The following RIN3 variants were observed in gnomAD, a reference collection of about 807,000 sequenced individuals.
The protein encoded by RIN3 is Ras and Rab interactor 3.
RIN3 carries 54 observed loss-of-function variants against 76.3 expected under a neutral mutation model. The observed-to-expected ratio is 0.71, with a 90% confidence interval of 0.57 to 0.89. The LOEUF (loss-of-function observed/expected upper bound fraction) is 0.89, where lower values mean the gene tolerates loss of function less well. Among genes scored for constraint, RIN3 ranks in the 40% least tolerant of loss-of-function variants. The pLI is 0.00. For synonymous variants in RIN3, 576 were observed against 564.0 expected, an observed-to-expected ratio of 1.02 and a Z score of -0.30; for missense variants, 1,256 against 1,322.1, an observed-to-expected ratio of 0.95 and a Z score of 0.78.
chr14:92,673,086 G>C (rs1047773905), intron 7 of RIN3, among the ~76,000 whole-genome samples: 1 of 151,838 alleles, frequency 6.6e-6, no homozygotes, highest in Admixed American at 6.6e-5. Flanking sequence ...TTCGAGACCA[G>C]CCTGGGCAAC....
chr14:92,634,837 G>A (rs1174944116), intron 4 of RIN3, among the ~76,000 whole-genome samples: 1 of 146,728 alleles, frequency 6.8e-6, no homozygotes, highest in Non-Finnish European at 1.5e-5. Flanking sequence ...CAGCCTGGGT[G>A]CCAGAACGAG....
At chr14:92,551,314 C>G (rs759961983) in intron 1 of RIN3, among the ~76,000 whole-genome samples, 20 of 152,064 alleles carry the variant, frequency 1.3e-4, no homozygotes, top group African/African-American at 4.8e-4. Context: ...ACTACTGACC[C>G]GTTGTGTGGA....
intron 2 of RIN3, among the ~76,000 whole-genome samples, chr14:92,561,874 C>T (rs112728796): frequency 5.9e-5 from 9 of 152,218 alleles, no homozygotes; most frequent in African/African-American, 1.9e-4. Context: ...TTTGTAGAGA[C>T]GAGGTCTCCC....
intron 1 of RIN3, among the ~76,000 whole-genome samples, chr14:92,546,459 C>T (rs543982905): frequency 1.3e-5 from 2 of 152,280 alleles, no homozygotes; most frequent in Non-Finnish European, 2.9e-5. Flanking sequence ...GCATTTCCTG[C>T]CTTTTAACAG....
At chr14:92,544,943 T>C (rs781329832) in intron 1 of RIN3, among the ~76,000 whole-genome samples, 2 of 152,114 alleles carry the variant, frequency 1.3e-5, no homozygotes, top group Non-Finnish European at 2.9e-5. Flanking sequence ...CTGAGTTTGG[T>C]GTGTGCATGT....
At chr14:92,542,031 G>C (rs1463352009) in intron 1 of RIN3, among the ~76,000 whole-genome samples, 1 of 152,246 alleles carries the variant, frequency 6.6e-6, no homozygotes, top group Non-Finnish European at 1.5e-5. Context: ...GGTGGCCCAT[G>C]CCTGTAATCC....
At chr14:92,590,498 C>T (rs1400995147) in intron 3 of RIN3, among the ~76,000 whole-genome samples, 4 of 152,280 alleles carry the variant, frequency 2.6e-5, no homozygotes, top group Middle Eastern at 3.4e-3. Flanking sequence ...ATGTGAAGTG[C>T]CTGCTCCCAC....
chr14:92,661,899 C>A (rs1887902850), intron 7 of RIN3, among the ~76,000 whole-genome samples: 1 of 152,214 alleles, frequency 6.6e-6, no homozygotes, highest in Admixed American at 6.5e-5. Context: ...TTTGTTTTCA[C>A]AGAGTGGACA....
At chr14:92,571,002 G>A (rs917842167) in intron 2 of RIN3, among the ~76,000 whole-genome samples, 2 of 152,218 alleles carry the variant, frequency 1.3e-5, no homozygotes, top group Non-Finnish European at 2.9e-5. Context: ...ATAGTGAACT[G>A]TAACCTAACT....
At chr14:92,521,353 A>G (rs921379956) in intron 1 of RIN3, among the ~76,000 whole-genome samples, 1 of 152,138 alleles carries the variant, frequency 6.6e-6, no homozygotes, top group Non-Finnish European at 1.5e-5. Context: ...CAGTTTATCT[A>G]CTAAGGAAAA....
Position 92,676,688 on chromosome 14 carries a change from A to G in RIN3, c.2467+82A>G, listed in dbSNP as rs543741766. On this transcript the variant is annotated intron_variant, in intron 8 of 9. Coordinates refer to ENST00000216487, the MANE Select transcript of RIN3 (RefSeq NM_024832.5). The stretch of plus-strand genomic sequence containing the variant: ...CACGGGCACTCTAGGTGGCCCAACA[A>G]GCACCTCCTGGATGCCAGACTCTGG... 5 of 1,483,660 alleles carry G rather than the reference A, an allele frequency of 3.4e-6. No individual in the cohort carries two copies. In the African/African-American group the frequency reaches 6.9e-5, roughly 20 times the overall value. 91.9% of individuals were successfully genotyped at this position (1,483,660 alleles called of 1,614,324 possible). A position where few individuals can be genotyped will look rare whatever the true frequency, so the allele number is the denominator to read the frequency against.
At chr14:92,556,093 T>C in intron 2 of RIN3, 138 bp downstream of exon 2, 1 of 759,372 alleles carries the variant, frequency 1.3e-6, no homozygotes, top group Non-Finnish European at 2.1e-6. Context: ...CCTACATTTG[T>C]CAGCTTTTGA....
intron 3 of RIN3, among the ~76,000 whole-genome samples, chr14:92,580,920 C>G (rs1898415810): frequency 6.6e-6 from 1 of 152,250 alleles, no homozygotes; most frequent in Non-Finnish European, 1.5e-5. Context: ...GGGTTTTGAA[C>G]TGCTAGAAGC....
intron 3 of RIN3, among the ~76,000 whole-genome samples, chr14:92,613,936 G>A (rs1047045198): frequency 6.6e-6 from 1 of 152,220 alleles, no homozygotes; most frequent in African/African-American, 2.4e-5. Flanking sequence ...GGATGAGTCA[G>A]GAGTTGTGGG....
chr14:92,513,976 G>C lies in RIN3; in HGVS notation c.44G>C (p.Gly15Ala), dbSNP rs886226082. The change falls in exon 1 of 10, where the codon GGT (glycine) becomes GCT (alanine). Residue 15 changes from glycine to alanine, a missense_variant and splice_region_variant. Gly to Ala is a moderately conservative substitution (Grantham distance 60). Coordinates refer to ENST00000216487, the MANE Select transcript of RIN3 (RefSeq NM_024832.5). The stretch of plus-strand genomic sequence containing the variant: ...GCGCCCGCGCGCGGGGACCCCACGG[G>C]GTAAGTCCGGGCGGCCGCCCCCTCC... The part of the protein sequence containing the change: ...AGAPARGDPT[G>A]PVPVVGKGEE... 1 of 1,239,664 alleles carries C rather than the reference G, an allele frequency of 8.1e-7. No homozygotes were observed. The highest frequency in any genetic ancestry group is 1.6e-5 in the African/African-American group (1 of 63,968). 76.8% of individuals were successfully genotyped at this position (1,239,664 alleles called of 1,614,324 possible).
In RIN3 at chr14:92,685,253, G is replaced by T. The variant is rs767258575; in HGVS notation, c.2631+103G>T. 1.0e-5 allele frequency: 13 copies of T among 1,241,404 alleles called. No homozygotes were observed. The highest frequency in any genetic ancestry group is 1.4e-5 in the Non-Finnish European group (13 of 906,116). 76.9% of individuals were successfully genotyped at this position (1,241,404 alleles called of 1,614,324 possible). On this transcript the variant is annotated intron_variant, in intron 9 of 9. Transcript: ENST00000216487. This position sits in a 1 kb window ranked among gnomAD's most constrained non-coding sequence, Gnocchi z 4.7. ...GTGACATCACCTGGCTGCTCCAGCCGCCCAGCCCTGCCTTAGGGGAGCAGT... is the reference window on the plus strand; with the variant it reads ...GTGACATCACCTGGCTGCTCCAGCCTCCCAGCCCTGCCTTAGGGGAGCAGT...
In RIN3 at chr14:92,659,379, A is replaced by C; in HGVS notation, c.2245A>C (p.Met749Leu). ...GAAGATCCTGCAGAAGTTCACCAGC[A>C]TGCACAAGGCCTACTCACCTGAGAA... ...MEKILQKFTS[M>L]HKAYSPEKKI... Residue 749 changes from methionine (M) to leucine (L), a missense_variant, in exon 7 of 10, where the codon ATG becomes CTG. Physicochemically the swap from Met to Leu is conservative, Grantham distance 15. Transcript: ENST00000216487. 6.2e-7 allele frequency: 1 copy of C among 1,613,540 alleles called. No homozygotes were observed. Among genetic ancestry groups the C allele is most frequent in the Non-Finnish European group, 8.5e-7 (1 of 1,179,654 alleles).
chr14:92,587,124 T>C (rs1331716487), intron 3 of RIN3, among the ~76,000 whole-genome samples: 2 of 152,208 alleles, frequency 1.3e-5, no homozygotes, highest in African/African-American at 4.8e-5. Context: ...TGGTTTGTAG[T>C]GTTATCGGAA....
rs140467348 is a variant in RIN3, at chr14:92,647,233, G to A, written c.533-4349G>A. The stretch of plus-strand genomic sequence containing the variant: ...GGCTCACAGTGTGCCTTCATGAGCC[G>A]ACGTAAGAAAGTCCAAATTCGGACT... On this transcript the variant is annotated intron_variant, in intron 5 of 9. Coordinates refer to ENST00000216487, the MANE Select transcript of RIN3 (RefSeq NM_024832.5). Among the ~76,000 whole-genome samples, 417 of 152,240 alleles carry A rather than the reference G, an allele frequency of 2.7e-3. 12 individuals are homozygous for A. In the South Asian group the frequency reaches 0.039, roughly 14 times the overall value.
Sources: allele counts gnomAD v4.1 joint callset (sites outside exome capture counted in the v4.1 genomes callset), GRCh38; gene constraint gnomAD v4.1.1; non-coding constraint Gnocchi (gnomAD v3.1); transcripts MANE v1.5; gene names NCBI Gene and HGNC (gene_info 2026-07-23, HGNC 2026-07-21).